Variants in CNOT4 observed in about 807,000 individuals in gnomAD.
CNOT4 encodes CCR4-associated factor 4.
In CNOT4, 8 loss-of-function variants were observed where a neutral mutation model predicts 73.8. The ratio of observed to expected loss-of-function variants is 0.11; its 90% confidence interval spans 0.06 to 0.20. The LOEUF (loss-of-function observed/expected upper bound fraction) is 0.20, where lower values mean the gene tolerates loss of function less well. Among genes scored for constraint, CNOT4 ranks in the 10% least tolerant of loss-of-function variants. The probability of loss-of-function intolerance (pLI) is 1.00; values close to 1 mark genes in which losing one functional copy is unlikely to be tolerated. For missense variants in CNOT4, 564 were observed against 883.4 expected, an observed-to-expected ratio of 0.64 and a Z score of 4.58; for synonymous variants, 293 against 321.1, an observed-to-expected ratio of 0.91 and a Z score of 0.94.
intron 1 of CNOT4, among the ~76,000 whole-genome samples, chr7:135,486,233 A>C (rs1802711489): frequency 6.6e-6 from 1 of 152,246 alleles, no homozygotes; most frequent in Admixed American, 6.5e-5. Context: ...AACCAATTTG[A>C]AAATGGACAA....
chr7:135,388,164 A>G (rs1374918267), intron 10 of CNOT4: 51 of 985,134 alleles, frequency 5.2e-5, no homozygotes, highest in Non-Finnish European at 6.0e-5. Context: ...TCTTTTAACC[A>G]TCTATGCATA....
intron 1 of CNOT4, among the ~76,000 whole-genome samples, chr7:135,470,129 G>T (rs1456540959): frequency 6.7e-6 from 1 of 150,262 alleles, no homozygotes; most frequent in Non-Finnish European, 1.5e-5. Context: ...AGCCTGGTGT[G>T]TTTTTTTGGG....
chr7:135,467,189 T>A lies in CNOT4; in HGVS notation c.-92-28766A>T, dbSNP rs1801274098. Among the ~76,000 whole-genome samples, 3 of 152,186 alleles carry A rather than the reference T, an allele frequency of 2.0e-5. No individual in the cohort carries two copies. The South Asian group carries it at 6.2e-4, about 31-fold the overall frequency. On this transcript the variant is annotated intron_variant, in intron 1 of 11. Coordinates refer to ENST00000541284, the MANE Select transcript of CNOT4 (RefSeq NM_001190850.2). ...ATGATCATGATGATGATGATGTTGC[T>A]CAAGGAAGAAATATTAATGATTAAT...
chr7:135,416,877 G>A (rs1437114844), intron 3 of CNOT4, among the ~76,000 whole-genome samples: 4 of 152,142 alleles, frequency 2.6e-5, no homozygotes, highest in Non-Finnish European at 4.4e-5. Flanking sequence ...GGCTAGCCCC[G>A]TACAACAAAG....
rs557606307 is a variant in CNOT4, at chr7:135,363,246, G to A, written c.1841-60C>T. Reference sequence around the variant, plus strand: ...GAGTTTGTGTGGAAAGAATAAGGTCGTCAAACAAATTTAGAAAGCAAAACC... The same window carrying A: ...GAGTTTGTGTGGAAAGAATAAGGTCATCAAACAAATTTAGAAAGCAAAACC... On this transcript the variant is annotated intron_variant, in intron 11 of 11. Coordinates refer to ENST00000541284, the MANE Select transcript of CNOT4 (RefSeq NM_001190850.2). This position sits in a 1 kb window ranked among gnomAD's most constrained non-coding sequence, Gnocchi z 4.3. 105 of 1,520,380 alleles carry A rather than the reference G, an allele frequency of 6.9e-5. No individual in the cohort carries two copies. The highest frequency in any genetic ancestry group is 4.9e-4 in the South Asian group (43 of 88,220). 94.2% of individuals were successfully genotyped at this position (1,520,380 alleles called of 1,614,324 possible).
rs182850674 is a variant in CNOT4 at position 135,388,824 on chromosome 7, C to T, written c.1627+5094G>A. On this transcript the variant is annotated intron_variant, in intron 10 of 11. Transcript: ENST00000541284. ...CCACAGTAGTGTGGAGACTTGTAGG[C>T]TGCTGTCCTTGTTGTAATGAATGGG... 7,053 of 1,613,138 alleles carry T rather than the reference C, an allele frequency of 4.4e-3. 15 individuals carry two copies. The highest frequency in any genetic ancestry group is 5.6e-3 in the Non-Finnish European group (6,610 of 1,179,220).
intron 10 of CNOT4, among the ~76,000 whole-genome samples, chr7:135,390,700 TTAA>T (rs1178953883): frequency 6.6e-6 from 1 of 152,146 alleles, no homozygotes; most frequent in Admixed American, 6.5e-5. Flanking sequence ...ATATCAATCT[TTAA>T]TAATTCACTG....
chr7:135,441,980 G>A (rs1799507768), intron 1 of CNOT4, among the ~76,000 whole-genome samples: 1 of 152,136 alleles, frequency 6.6e-6, no homozygotes, highest in African/African-American at 2.4e-5. Flanking sequence ...CTCATAAATG[G>A]TAAAAGGTAG....
At chr7:135,365,755 C>T (rs1316988792) in intron 10 of CNOT4, among the ~76,000 whole-genome samples, 2 of 152,136 alleles carry the variant, frequency 1.3e-5, no homozygotes, top group Non-Finnish European at 2.9e-5. Context: ...TGTCCACTGG[C>T]CATGATTAGC....
intron 10 of CNOT4, chr7:135,388,314 T>A: frequency 2.0e-6 from 2 of 985,166 alleles, no homozygotes; most frequent in Non-Finnish European, 2.4e-6. Flanking sequence ...GAGCATTAAA[T>A]GACACCACCA....
chr7:135,377,380 T>C (rs894101791), intron 10 of CNOT4, among the ~76,000 whole-genome samples: 1 of 152,204 alleles, frequency 6.6e-6, no homozygotes, highest in Non-Finnish European at 1.5e-5. Context: ...GTGCTGATAA[T>C]GGAGAACACT....
intron 3 of CNOT4, among the ~76,000 whole-genome samples, 179 bp downstream of exon 3, chr7:135,421,976 GC>G (rs1798219984): frequency 6.6e-6 from 1 of 152,154 alleles, no homozygotes; most frequent in Non-Finnish European, 1.5e-5. Flanking sequence ...TAAGACACTT[GC>G]CTAAGATCAC....
At chr7:135,393,820 T>C (rs369479270) in intron 10 of CNOT4, 98 bp downstream of exon 10, 2 of 780,266 alleles carry the variant, frequency 2.6e-6, no homozygotes, top group Non-Finnish European at 4.3e-6. Flanking sequence ...ATTTCCAAGA[T>C]ATTAGTACTC....
chr7:135,444,405 T>G, intron 1 of CNOT4: 1 of 722,696 alleles, frequency 1.4e-6, no homozygotes, highest in Non-Finnish European at 2.5e-6. Context: ...ATGTGGTATA[T>G]CCATACCATG....
At chr7:135,506,147 A>C (rs778043924) in intron 1 of CNOT4, among the ~76,000 whole-genome samples, 2 of 152,204 alleles carry the variant, frequency 1.3e-5, no homozygotes, top group Non-Finnish European at 2.9e-5. Flanking sequence ...ATTTTTCCTA[A>C]TATCTTTGAG....
At chr7:135,448,076 T>A (rs941310055) in intron 1 of CNOT4, among the ~76,000 whole-genome samples, 2 of 151,994 alleles carry the variant, frequency 1.3e-5, no homozygotes, top group Non-Finnish European at 2.9e-5. Context: ...GCTTAAACAC[T>A]GCAAGGGGGG....
At chr7:135,405,715 G>T (rs1395333957) in intron 7 of CNOT4, among the ~76,000 whole-genome samples, 1 of 152,156 alleles carries the variant, frequency 6.6e-6, no homozygotes, top group African/African-American at 2.4e-5. Flanking sequence ...TGAAATAAGA[G>T]TAAAATATAT....
chr7:135,450,354 T>C (rs1800083412), intron 1 of CNOT4, among the ~76,000 whole-genome samples: 2 of 152,170 alleles, frequency 1.3e-5, no homozygotes, highest in Admixed American at 6.5e-5. Flanking sequence ...GGGACTCCTC[T>C]GTCACCCAGG....
At chr7:135,464,127 T>C (rs192149795) in intron 1 of CNOT4, among the ~76,000 whole-genome samples, 8 of 151,586 alleles carry the variant, frequency 5.3e-5, no homozygotes, top group Admixed American at 3.9e-4. Context: ...GAAAGCAGTA[T>C]GGCAATTCCT....
Sources: allele counts gnomAD v4.1 joint callset (sites outside exome capture counted in the v4.1 genomes callset), GRCh38; gene constraint gnomAD v4.1.1; non-coding constraint Gnocchi (gnomAD v3.1); transcripts MANE v1.5; gene names NCBI Gene and HGNC (gene_info 2026-07-23, HGNC 2026-07-21).